ANKFN1: variants seen among roughly 807,000 people sequenced by gnomAD.
ANKFN1 encodes the protein ankyrin repeat and fibronectin type-III domain-containing protein 1.
A neutral mutation model predicts 108.7 loss-of-function variants in ANKFN1; 74 were observed. The ratio of observed to expected loss-of-function variants is 0.68; its 90% CI spans 0.56 to 0.83. The LOEUF (loss-of-function observed/expected upper bound fraction) is 0.83, where lower values mean the gene tolerates loss of function less well. ANKFN1 is among the 40% of genes least tolerant of loss of function. The probability of loss-of-function intolerance (pLI) is 0.00; values close to 1 mark genes in which losing one functional copy is unlikely to be tolerated. For missense variants in ANKFN1, 1,505 were observed against 1,382.3 expected, an observed-to-expected ratio of 1.09 and a Z score of -1.41; for synonymous variants, 547 against 516.2, an observed-to-expected ratio of 1.06 and a Z score of -0.81.
chr17:56,368,123 G>A, intron 6 of ANKFN1: 1 of 1,235,588 alleles, frequency 8.1e-7, no homozygotes. Flanking sequence ...GTGACAATGA[G>A]CCTGATCACT....
chr17:56,134,503 T>G (rs759859944), intron 4 of ANKFN1, among the ~76,000 whole-genome samples: 4 of 152,006 alleles, frequency 2.6e-5, no homozygotes, highest in South Asian at 2.1e-4. Context: ...GAACAAAAGA[T>G]GCTTCTGTCA....
intron 20 of ANKFN1, among the ~76,000 whole-genome samples, chr17:56,507,615 A>G (rs1366974000): frequency 6.6e-6 from 1 of 152,152 alleles, no homozygotes; most frequent in Non-Finnish European, 1.5e-5. Flanking sequence ...CCTGTCCCAA[A>G]TTAAACCATC....
intron 10 of ANKFN1, among the ~76,000 whole-genome samples, chr17:56,444,677 C>A (rs543896199): frequency 2.2e-4 from 34 of 152,224 alleles, no homozygotes; most frequent in African/African-American, 8.2e-4. Flanking sequence ...TCGTAAGGTA[C>A]CTCTTGAGGT....
chr17:56,326,391 A>G, intron 4 of ANKFN1, 36 bp downstream of exon 4: 1 of 1,588,996 alleles, frequency 6.3e-7, no homozygotes, highest in Non-Finnish European at 8.5e-7. Context: ...CTTCATGTGA[A>G]TATGGAGCTT....
chr17:56,108,465 G>C (rs1396711699), intron 4 of ANKFN1, among the ~76,000 whole-genome samples: 2 of 152,108 alleles, frequency 1.3e-5, no homozygotes, highest in Non-Finnish European at 2.9e-5. Context: ...CAAATGCTTA[G>C]AACACACTTA....
At chr17:56,080,975 C>T (rs12601207) in intron 4 of ANKFN1, among the ~76,000 whole-genome samples, 84,571 of 152,042 alleles carry the variant, frequency 0.56, 24,982 homozygotes, top group Non-Finnish European at 0.68. Flanking sequence ...CCTCCATGTT[C>T]AAAGCCGCTT....
At chr17:56,278,670 A>G (rs376100782) in intron 3 of ANKFN1, among the ~76,000 whole-genome samples, 6 of 152,222 alleles carry the variant, frequency 3.9e-5, no homozygotes, top group African/African-American at 1.4e-4. Flanking sequence ...TTCAAAAACT[A>G]GAGAATGGAT....
intron 3 of ANKFN1, among the ~76,000 whole-genome samples, chr17:56,317,124 G>A (rs988372108): frequency 6.6e-6 from 1 of 152,106 alleles, no homozygotes; most frequent in Non-Finnish European, 1.5e-5. Flanking sequence ...TGGCAGAGAA[G>A]TTCTTCTATG....
intron 4 of ANKFN1, among the ~76,000 whole-genome samples, chr17:56,062,130 T>C (rs577858218): frequency 1.3e-5 from 2 of 152,206 alleles, no homozygotes; most frequent in Non-Finnish European, 2.9e-5. Context: ...TTGCATTTGC[T>C]GAGGAGTGTT....
At chr17:56,437,832 GAGTTAATATATAATCTTA>G (rs2048975938) in intron 8 of ANKFN1, among the ~76,000 whole-genome samples, 1 of 152,058 alleles carries the variant, frequency 6.6e-6, no homozygotes, top group African/African-American at 2.4e-5. Context: ...AGACCGATTT[GAGTTAATATATAATCTTA>G]ATCATTTGAT....
At chr17:56,298,679 T>TTA (rs761409160) in intron 3 of ANKFN1, among the ~76,000 whole-genome samples, 4 of 148,642 alleles carry the variant, frequency 2.7e-5, no homozygotes, top group African/African-American at 5.1e-5. Flanking sequence ...CAATATTTCT[T>TTA]TATATATATA....
intron 19 of ANKFN1, among the ~76,000 whole-genome samples, chr17:56,498,488 G>T (rs752822369): frequency 6.6e-6 from 1 of 152,104 alleles, no homozygotes; most frequent in Non-Finnish European, 1.5e-5. Flanking sequence ...AAGCACTTTC[G>T]AATTCATTAT....
intron 11 of ANKFN1, among the ~76,000 whole-genome samples, chr17:56,453,885 T>C (rs940080085): frequency 3.9e-5 from 6 of 152,134 alleles, no homozygotes; most frequent in Non-Finnish European, 8.8e-5. Context: ...AGAGGTTCTA[T>C]ATGAAACCTT....
Position 56,094,682 on chromosome 17 carries a change from T to TGG in ANKFN1, c.288+48357_288+48358insGG, listed in dbSNP as rs762960958. ...CCACGCCCAGCTAATTGGGTTTTTTTTTTTTTTTTTTGTATTTTTAGTAGA... is the reference window on the plus strand; with the variant it reads ...CCACGCCCAGCTAATTGGGTTTTTTTGGTTTTTTTTTTTGTATTTTTAGTAGA... On this transcript the variant is annotated intron_variant, in intron 4 of 12. Transcript: ENST00000635860. Among the ~76,000 whole-genome samples the TGG allele has an allele frequency of 2.5e-4, 33 of 130,066 alleles. 2 individuals carry two copies. The highest frequency in any genetic ancestry group is 1.1e-3 in the African/African-American group (31 of 27,342). The allele number at this position is 130,066 out of a possible 152,430, so 85.3% of individuals were successfully genotyped here. A position where few individuals can be genotyped will look rare whatever the true frequency, so the allele number is the denominator to read the frequency against.
chr17:56,101,575 A>G (rs1016492056), intron 4 of ANKFN1, among the ~76,000 whole-genome samples: 17 of 152,204 alleles, frequency 1.1e-4, no homozygotes, highest in African/African-American at 3.9e-4. Context: ...AGTCCTCAAG[A>G]GTAAGTACTT....
chr17:56,199,760 G>A (rs892652082), intron 1 of ANKFN1, among the ~76,000 whole-genome samples: 4 of 152,002 alleles, frequency 2.6e-5, no homozygotes, highest in African/African-American at 7.2e-5. Context: ...CAACAAATAC[G>A]CTTTTAGTAT....
At chr17:56,169,600 C>T (rs947528551) in intron 1 of ANKFN1, among the ~76,000 whole-genome samples, 2 of 152,042 alleles carry the variant, frequency 1.3e-5, no homozygotes, top group African/African-American at 4.8e-5. Context: ...GTACATCCAC[C>T]AAGTGAGAAG....
intron 19 of ANKFN1, among the ~76,000 whole-genome samples, chr17:56,495,876 G>T (rs967494203): frequency 6.6e-6 from 1 of 152,056 alleles, no homozygotes; most frequent in Non-Finnish European, 1.5e-5. Flanking sequence ...ATATTATCTT[G>T]CCTGAGTAAA....
At chr17:56,087,838 G>A (rs1905344655) in intron 4 of ANKFN1, among the ~76,000 whole-genome samples, 1 of 151,402 alleles carries the variant, frequency 6.6e-6, no homozygotes, top group Non-Finnish European at 1.5e-5. Flanking sequence ...TCAGGGTTAA[G>A]TAGTCACAAC....
Sources: allele counts gnomAD v4.1 joint callset (sites outside exome capture counted in the v4.1 genomes callset), GRCh38; gene constraint gnomAD v4.1.1; transcripts MANE v1.5; gene names NCBI Gene and HGNC (gene_info 2026-07-23, HGNC 2026-07-21).